PDSS1: variants seen among roughly 807,000 people sequenced by gnomAD.
PDSS1 encodes all trans-polyprenyl-diphosphate synthase PDSS1.
Under a neutral mutation model 57.5 loss-of-function variants are expected in PDSS1, and 43 were observed. The observed-to-expected ratio is 0.75, with a 90% confidence interval of 0.59 to 0.96. The LOEUF (loss-of-function observed/expected upper bound fraction) is 0.96. Ranked by LOEUF, PDSS1 falls within the 50% of genes least tolerant of loss-of-function variation. The pLI, the probability that PDSS1 is intolerant of heterozygous loss-of-function variation, is 0.00. For synonymous variants in PDSS1, 175 were observed against 191.3 expected, an observed-to-expected ratio of 0.91 and a Z score of 0.70; for missense variants, 438 against 527.8, an observed-to-expected ratio of 0.83 and a Z score of 1.67.
At chr10:26,731,862 G>T (rs559938382) in intron 8 of PDSS1, among the ~76,000 whole-genome samples, 92 of 152,304 alleles carry the variant, frequency 6.0e-4, no homozygotes, top group Admixed American at 4.3e-3. Context: ...CACGATCTCG[G>T]CTCACTGCAA....
chr10:26,746,179 C>T (rs906444265), intron 11 of PDSS1, among the ~76,000 whole-genome samples, 154 bp from the exon 12 acceptor site: 3 of 152,110 alleles, frequency 2.0e-5, no homozygotes, highest in Non-Finnish European at 4.4e-5. Context: ...CACTATGAGT[C>T]GGGAAAAGAA....
At chr10:26,714,103 C>G (rs1280198863) in intron 5 of PDSS1, among the ~76,000 whole-genome samples, 4 of 152,154 alleles carry the variant, frequency 2.6e-5, no homozygotes, top group Non-Finnish European at 1.5e-5. Flanking sequence ...ATCTCAGAGT[C>G]TGCCTCCTGC....
intron 11 of PDSS1, among the ~76,000 whole-genome samples, chr10:26,744,769 G>A (rs1382803761): frequency 1.3e-5 from 2 of 152,188 alleles, no homozygotes; most frequent in Admixed American, 6.5e-5. Flanking sequence ...GCAGGCTTCT[G>A]TACAAAAAGG....
intron 5 of PDSS1, among the ~76,000 whole-genome samples, chr10:26,718,500 C>G (rs1835674377): frequency 6.6e-6 from 1 of 152,094 alleles, no homozygotes; most frequent in Non-Finnish European, 1.5e-5. Flanking sequence ...GTGGCTCACA[C>G]CTGTAATCCC....
intron 11 of PDSS1, among the ~76,000 whole-genome samples, 161 bp downstream of exon 11, chr10:26,742,738 A>AT (rs1439527052): frequency 2.0e-5 from 3 of 152,254 alleles, no homozygotes; most frequent in East Asian, 3.9e-4. Flanking sequence ...CATTTTTCTG[A>AT]TTTTTTATTT....
rs181607977 is a variant in PDSS1 at position 26,725,455 on chromosome 10, C to T, written c.831+1332C>T. Among the ~76,000 whole-genome samples the T allele has an allele frequency of 5.3e-3, 811 of 151,962 alleles. 2 individuals are homozygous for T. Among genetic ancestry groups the T allele is most frequent in the Non-Finnish European group, 8.9e-3 (607 of 67,986 alleles). ...ATGTAGAACATGCTAGCCACAGTCT[C>T]GACCACTTTTGTCTTTTTATTAAAA... On this transcript the variant is annotated intron_variant, in intron 8 of 11. Transcript: ENST00000376215.
chr10:26,708,883 C>T (rs1048271574), intron 4 of PDSS1, among the ~76,000 whole-genome samples: 2 of 152,276 alleles, frequency 1.3e-5, no homozygotes, highest in East Asian at 1.9e-4. Flanking sequence ...ACACCCCACC[C>T]GCCTGACCTG....
chr10:26,720,018 A>G (rs1286186558), intron 5 of PDSS1, 200 bp from the exon 6 acceptor site: 5 of 678,650 alleles, frequency 7.4e-6, no homozygotes, highest in Non-Finnish European at 1.2e-5. Context: ...TGGGGAATTC[A>G]TAAAATGTAG....
At chr10:26,719,816 C>T (rs181353457) in intron 5 of PDSS1, among the ~76,000 whole-genome samples, 1 of 152,276 alleles carries the variant, frequency 6.6e-6, no homozygotes, top group African/African-American at 2.4e-5. Context: ...ACAGTTGAGT[C>T]TTTAAAATAC....
At chr10:26,739,794 G>C (rs1564436584) in intron 10 of PDSS1, among the ~76,000 whole-genome samples, 1 of 152,138 alleles carries the variant, frequency 6.6e-6, no homozygotes. Context: ...TTGAGGCCAG[G>C]AGTTTGACAC....
intron 5 of PDSS1, among the ~76,000 whole-genome samples, chr10:26,713,399 A>G (rs1588678802): frequency 6.6e-6 from 1 of 152,144 alleles, no homozygotes; most frequent in African/African-American, 2.4e-5. Context: ...CACGAGGGAG[A>G]AACTACTACT....
chr10:26,729,680 G>A (rs1836096162), intron 8 of PDSS1, among the ~76,000 whole-genome samples: 1 of 152,134 alleles, frequency 6.6e-6, no homozygotes. Context: ...TTGGGCCTGA[G>A]GATAATAGAA....
chr10:26,706,711 A>C (rs1442401071), intron 4 of PDSS1, among the ~76,000 whole-genome samples: 1 of 151,556 alleles, frequency 6.6e-6, no homozygotes, highest in Non-Finnish European at 1.5e-5. Context: ...TGTTCCCTCC[A>C]CTATTGCACT....
In PDSS1 at chr10:26,708,794, TG is replaced by T. The variant is rs78946849; in HGVS notation, c.337-841del. Among the ~76,000 whole-genome samples, 1,424 of 152,218 alleles carry T rather than the reference TG, an allele frequency of 9.4e-3. 81 individuals carry two copies. The South Asian group carries it at 0.15, about 16-fold the overall frequency. ...ATGATCGTGCCACTGCCCTGAGGCC[TG>T]GGTGACAGAGCAAGACCTTGTCTCT... On this transcript the variant is annotated intron_variant, in intron 4 of 11. Coordinates refer to ENST00000376215, the MANE Select transcript of PDSS1 (RefSeq NM_014317.5).
rs1212697217 is a variant in PDSS1 at position 26,712,955 on chromosome 10, T to TGTTTTTTTTG, written c.467+3187_467+3188insGTTTTTTTTG. 3.7e-3 allele frequency among the ~76,000 whole-genome samples: 362 copies of TGTTTTTTTTG among 96,992 alleles called. 89 individuals are homozygous for TGTTTTTTTTG. Among genetic ancestry groups the TGTTTTTTTTG allele is most frequent in the African/African-American group, 0.011 (333 of 29,936 alleles). 63.6% of individuals were successfully genotyped at this position (96,992 alleles called of 152,430 possible). A position where few individuals can be genotyped will look rare whatever the true frequency, so the allele number is the denominator to read the frequency against. On this transcript the variant is annotated intron_variant, in intron 5 of 11. Coordinates refer to ENST00000376215, the MANE Select transcript of PDSS1 (RefSeq NM_014317.5). ...AGGAGGCTTATCAGATGCTGTGTTTTTTTGTTTTTTTGTTTTTTTTTTTGC... is the reference window on the plus strand; with the variant it reads ...AGGAGGCTTATCAGATGCTGTGTTTTGTTTTTTTTGTTTGTTTTTTTGTTTTTTTTTTTGC...
intron 2 of PDSS1, among the ~76,000 whole-genome samples, chr10:26,703,804 G>A (rs370607414): frequency 4.6e-5 from 7 of 152,032 alleles, no homozygotes; most frequent in East Asian, 2.0e-4. Flanking sequence ...ATATGGCGCC[G>A]GGCGCGGTGG....
At chr10:26,731,986 A>G (rs1328647209) in intron 8 of PDSS1, among the ~76,000 whole-genome samples, 3 of 152,184 alleles carry the variant, frequency 2.0e-5, no homozygotes, top group Non-Finnish European at 4.4e-5. Context: ...CGTGGCTTGT[A>G]AGGATGTGAT....
At chr10:26,720,406 C>A in intron 6 of PDSS1, 47 bp downstream of exon 6, 2 of 1,162,210 alleles carry the variant, frequency 1.7e-6, no homozygotes, top group Non-Finnish European at 2.6e-6. Flanking sequence ...GAATCACACA[C>A]TTTTCGGACC....
chr10:26,741,734 G>A (rs1836618243), intron 10 of PDSS1, among the ~76,000 whole-genome samples: 2 of 152,158 alleles, frequency 1.3e-5, no homozygotes, highest in Admixed American at 1.3e-4. Flanking sequence ...AGAGACCAGA[G>A]ATACTGGTGT....
Sources: gnomAD v4.1 joint callset for allele counts (sites outside exome capture counted in the v4.1 genomes callset) on GRCh38, gnomAD v4.1.1 for gene constraint, MANE v1.5 for transcripts, NCBI Gene and HGNC (gene_info 2026-07-23, HGNC 2026-07-21) for gene names.